FAM107A: variants seen among roughly 807,000 people sequenced by gnomAD.
FAM107A encodes the protein actin-associated protein FAM107A.
In FAM107A, 19 loss-of-function variants were observed where a neutral mutation model predicts 13.7. The ratio of observed to expected loss-of-function variants is 1.38; its 90% confidence interval spans 0.97 to 2.03. The LOEUF is 2.03. Ranked by LOEUF, FAM107A falls within the 30% of genes most tolerant of loss-of-function variation. The pLI, the probability that FAM107A is intolerant of heterozygous loss-of-function variation, is 0.00. For synonymous variants in FAM107A, 82 were observed against 74.5 expected, an observed-to-expected ratio of 1.10 and a Z score of -0.52; for missense variants, 203 against 184.4, an observed-to-expected ratio of 1.10 and a Z score of -0.58.
At chr3:58,620,490 G>A (rs1332727336) in intron 1 of FAM107A, among the ~76,000 whole-genome samples, 3 of 152,264 alleles carry the variant, frequency 2.0e-5, no homozygotes, top group African/African-American at 7.2e-5. Flanking sequence ...AAGAAGTCTC[G>A]GCTGAGCCGG....
chr3:58,610,604 G>A (rs1207828261), intron 1 of FAM107A, among the ~76,000 whole-genome samples: 1 of 152,220 alleles, frequency 6.6e-6, no homozygotes, highest in Non-Finnish European at 1.5e-5. Context: ...CTGAGAAGAT[G>A]AAATGAGATA....
chr3:58,574,006 G>A (rs2063709841), intron 1 of FAM107A, among the ~76,000 whole-genome samples: 1 of 152,234 alleles, frequency 6.6e-6, no homozygotes, highest in Non-Finnish European at 1.5e-5. Context: ...CTTGGCAAAT[G>A]CCTCGTACAG....
At chr3:58,618,694 AG>A (rs1437788449) in intron 1 of FAM107A, among the ~76,000 whole-genome samples, 4 of 152,228 alleles carry the variant, frequency 2.6e-5, no homozygotes, top group Admixed American at 2.6e-4. Context: ...GATGGGGGGA[AG>A]GTGCCCATCT....
At chr3:58,583,692 T>C (rs1575445944) in intron 1 of FAM107A, among the ~76,000 whole-genome samples, 2 of 152,098 alleles carry the variant, frequency 1.3e-5, no homozygotes, top group Non-Finnish European at 2.9e-5. Context: ...TTCTTTTTTT[T>C]TGGGGGGGGA....
intron 1 of FAM107A, chr3:58,574,054 T>A (rs1383375992): frequency 6.6e-6 from 1 of 152,216 alleles, no homozygotes; most frequent in East Asian, 1.9e-4. Context: ...GGCTGCCACA[T>A]ACAACAGGCT....
intron 1 of FAM107A, among the ~76,000 whole-genome samples, chr3:58,575,112 G>A (rs2063720006): frequency 6.6e-6 from 1 of 152,182 alleles, no homozygotes; most frequent in Non-Finnish European, 1.5e-5. Flanking sequence ...TGGTAGTCAT[G>A]TTTCTGTCTT....
At position 58,617,505 on chromosome 3, in the gene FAM107A, A is replaced by G. The variant is rs1185404992; in HGVS notation, c.-70+9911T>C. On this transcript the variant is annotated intron_variant, in intron 1 of 3. Coordinates refer to the FAM107A transcript ENST00000465970. The surrounding 1 kb of genome is among the most constrained non-coding windows in gnomAD (Gnocchi z 4.5). ...GATTTTAGATGAAAAAGAAAGTTCCAGCTCCTCGCCTTTCTCTCCGCCCCA... is the reference window on the plus strand; with the variant it reads ...GATTTTAGATGAAAAAGAAAGTTCCGGCTCCTCGCCTTTCTCTCCGCCCCA... Among the ~76,000 whole-genome samples, 1 of 152,006 alleles carries G rather than the reference A, an allele frequency of 6.6e-6. No homozygotes were observed. Among genetic ancestry groups the G allele is most frequent in the Non-Finnish European group, 1.5e-5 (1 of 68,002 alleles).
chr3:58,625,224 C>T (rs74521540), intron 1 of FAM107A, among the ~76,000 whole-genome samples: 5,085 of 152,230 alleles, frequency 0.033, 125 homozygotes, highest in Middle Eastern at 0.071. Context: ...CTGGCCATGA[C>T]GGGATGGGAG....
upstream of FAM107A, among the ~76,000 whole-genome samples, chr3:58,582,217 G>A (rs2065555995): frequency 6.6e-6 from 1 of 152,206 alleles, no homozygotes; most frequent in South Asian, 2.1e-4. Flanking sequence ...CCATGACATA[G>A]CTGGAACATG....
intron 1 of FAM107A, among the ~76,000 whole-genome samples, chr3:58,592,744 A>G (rs1377473312): frequency 6.6e-6 from 1 of 152,160 alleles, no homozygotes; most frequent in Non-Finnish European, 1.5e-5. Context: ...TCCAACTTAA[A>G]AAGGACTGGA....
chr3:58,565,435 A>ATTTTTTTTTT lies in FAM107A; in HGVS notation c.*1143_*1152dup, dbSNP rs71625690. 3.6e-5 allele frequency: 3 copies of ATTTTTTTTTT among 82,320 alleles called. No homozygotes were observed. The highest frequency in any genetic ancestry group is 6.6e-5 in the Non-Finnish European group (3 of 45,298). 5.1% of individuals were successfully genotyped at this position (82,320 alleles called of 1,614,324 possible). On this transcript the variant is annotated 3_prime_UTR_variant, in exon 4 of 4. Transcript: ENST00000360997. ...GACTAGGAAAAAGTAAAAAAAAAAA[A>ATTTTTTTTTT]TTTTTTTTTTTTTTTTTTTTTTTTT...
chr3:58,572,054 G>C (rs534010607), intron 1 of FAM107A, among the ~76,000 whole-genome samples: 1 of 152,132 alleles, frequency 6.6e-6, no homozygotes, highest in Admixed American at 6.5e-5. Context: ...GAACAGAAAC[G>C]CATTTGAAAC....
chr3:58,575,188 G>A (rs1023405935), intron 1 of FAM107A, among the ~76,000 whole-genome samples: 9 of 152,232 alleles, frequency 5.9e-5, no homozygotes, highest in Non-Finnish European at 1.5e-5. Flanking sequence ...AGATGTTTTA[G>A]TGGAGACAGA....
At chr3:58,607,369 A>G (rs1194289680) in intron 1 of FAM107A, among the ~76,000 whole-genome samples, 1 of 151,886 alleles carries the variant, frequency 6.6e-6, no homozygotes, top group Non-Finnish European at 1.5e-5. Flanking sequence ...AGGAAAGGGG[A>G]GCTGGCTGTG....
At chr3:58,571,376 A>G in intron 1 of FAM107A, among the ~76,000 whole-genome samples, 1 of 152,220 alleles carries the variant, frequency 6.6e-6, no homozygotes, top group South Asian at 2.1e-4. Context: ...GTCAGAGGAT[A>G]GACATGTTAA....
At chr3:58,571,980 A>T (rs1397008278) in intron 1 of FAM107A, among the ~76,000 whole-genome samples, 1 of 152,176 alleles carries the variant, frequency 6.6e-6, no homozygotes. Flanking sequence ...TAACTTTAGG[A>T]AAGGAGATGG....
At chr3:58,615,818 C>A (rs769585573) in intron 1 of FAM107A, among the ~76,000 whole-genome samples, 2 of 149,600 alleles carry the variant, frequency 1.3e-5, no homozygotes. Context: ...ATCACTTGAG[C>A]CCTAAAGGCA....
At chr3:58,591,965 G>T (rs1327050188), upstream of FAM107A, among the ~76,000 whole-genome samples, 1 of 152,196 alleles carries the variant, frequency 6.6e-6, no homozygotes, top group Non-Finnish European at 1.5e-5. The surrounding 1 kb of genome is among the most constrained non-coding windows in gnomAD (Gnocchi z 4.3). Context: ...CCCAGAGAGT[G>T]AGTCAGGGCC....
chr3:58,567,068 C>T, intron 3 of FAM107A, 140 bp downstream of exon 3: 1 of 1,079,784 alleles, frequency 9.3e-7, no homozygotes, highest in Non-Finnish European at 1.4e-6. Context: ...AGAGGGAGGA[C>T]TCAGGCCAGG....
Sources: allele counts gnomAD v4.1 joint callset (sites outside exome capture counted in the v4.1 genomes callset), GRCh38; gene constraint gnomAD v4.1.1; non-coding constraint Gnocchi (gnomAD v3.1); transcripts MANE v1.5; gene names NCBI Gene and HGNC (gene_info 2026-07-23, HGNC 2026-07-21).